ZMIZ1: variants seen among roughly 807,000 people sequenced by gnomAD.
ZMIZ1 encodes zinc finger MIZ-type containing 1.
Under a neutral mutation model 113.9 loss-of-function variants are expected in ZMIZ1, and 17 were observed. The observed-to-expected ratio is 0.15, with a 90% CI of 0.10 to 0.22. The LOEUF is 0.22. Ranked by LOEUF, ZMIZ1 falls within the 10% of genes least tolerant of loss-of-function variation. The probability of loss-of-function intolerance (pLI) is 1.00; values close to 1 mark genes in which losing one functional copy is unlikely to be tolerated. For synonymous variants in ZMIZ1, 607 were observed against 603.1 expected (o/e 1.01, Z -0.09); for missense variants, 1,059 against 1,477.8 (o/e 0.72, Z 4.65).
chr10:79,137,983 C>G (rs976650474), intron 2 of ZMIZ1, among the ~76,000 whole-genome samples: 1 of 152,192 alleles, frequency 6.6e-6, no homozygotes, highest in Admixed American at 6.5e-5. Flanking sequence ...TTCAGGAAGT[C>G]CCGTCCCGAG....
At chr10:79,243,121 C>T (rs1480805209) in intron 7 of ZMIZ1, among the ~76,000 whole-genome samples, 3 of 151,524 alleles carry the variant, frequency 2.0e-5, no homozygotes, top group African/African-American at 4.8e-5. Context: ...CCTCCCTCCC[C>T]TCCCCCCGCC....
chr10:79,215,989 G>A (rs375666382), intron 6 of ZMIZ1, among the ~76,000 whole-genome samples, 180 bp from the exon 7 acceptor site: 49 of 152,304 alleles, frequency 3.2e-4, no homozygotes, highest in African/African-American at 1.1e-3. Context: ...GGCCTGGCAC[G>A]GAAGAGGTGT....
At chr10:79,076,506 G>A (rs917604663) in intron 1 of ZMIZ1, among the ~76,000 whole-genome samples, 5 of 152,218 alleles carry the variant, frequency 3.3e-5, no homozygotes, top group African/African-American at 1.2e-4. Flanking sequence ...CCAGCAGCAT[G>A]TGTCTTTACA....
rs368378229 is a variant in ZMIZ1, at chr10:79,128,944, C to T, written c.-227+9920C>T. 3.9e-4 allele frequency among the ~76,000 whole-genome samples: 60 copies of T among 152,230 alleles called. No homozygotes were observed. The East Asian group carries it at 9.6e-3, about 24-fold the overall frequency. ...ATGGGGATGATAATACTTCCTTCCC[C>T]GTTAAGTATTGTAAGGATTAGATTA... On this transcript the variant is annotated intron_variant, in intron 2 of 24. Coordinates refer to ENST00000334512, the MANE Select transcript of ZMIZ1 (RefSeq NM_020338.4).
chr10:79,281,474 T>C (rs1852736541), intron 8 of ZMIZ1, among the ~76,000 whole-genome samples: 1 of 152,088 alleles, frequency 6.6e-6, no homozygotes, highest in African/African-American at 2.4e-5. Flanking sequence ...TCCCAAGAAA[T>C]GTTATGGGCC....
At chr10:79,123,077 A>T (rs1844367809) in intron 2 of ZMIZ1, among the ~76,000 whole-genome samples, 1 of 152,192 alleles carries the variant, frequency 6.6e-6, no homozygotes. Context: ...CATGGCTCTG[A>T]AGTCTGGGGC....
intron 7 of ZMIZ1, among the ~76,000 whole-genome samples, chr10:79,259,164 C>T (rs1439858779): frequency 1.3e-5 from 2 of 152,286 alleles, no homozygotes; most frequent in African/African-American, 4.8e-5. Flanking sequence ...AGCCAAACTT[C>T]CCAAGGCCCT....
At chr10:79,147,569 AC>A (rs1247882225) in intron 3 of ZMIZ1, among the ~76,000 whole-genome samples, 2 of 152,122 alleles carry the variant, frequency 1.3e-5, no homozygotes, top group Non-Finnish European at 2.9e-5. Flanking sequence ...CAGAACACAG[AC>A]CTTCTGGAAA....
intron 7 of ZMIZ1, among the ~76,000 whole-genome samples, chr10:79,275,336 A>G (rs1287796483): frequency 6.6e-6 from 1 of 152,220 alleles, no homozygotes; most frequent in Non-Finnish European, 1.5e-5. Flanking sequence ...GGGGCAGGAC[A>G]CATCTTTTAA....
chr10:79,072,045 G>A (rs1027881318), intron 1 of ZMIZ1, among the ~76,000 whole-genome samples: 4 of 152,160 alleles, frequency 2.6e-5, no homozygotes, highest in South Asian at 2.1e-4. Context: ...TTTGGGTAGG[G>A]CTTACTGAGA....
At chr10:79,202,453 GAAA>G (rs200110099) in intron 5 of ZMIZ1, among the ~76,000 whole-genome samples, 3 of 148,926 alleles carry the variant, frequency 2.0e-5, no homozygotes, top group Admixed American at 1.3e-4. Flanking sequence ...TTTAAAAAAA[GAAA>G]AAAAAAGCCA....
chr10:79,072,827 G>A (rs1226540802), intron 1 of ZMIZ1, among the ~76,000 whole-genome samples: 1 of 152,240 alleles, frequency 6.6e-6, no homozygotes, highest in Non-Finnish European at 1.5e-5. Context: ...GATTACCCAG[G>A]ACACTGCTGC....
Position 79,310,996 on chromosome 10 carries a change from A to G in ZMIZ1, c.2908A>G (p.Ser970Gly). ...QQGLHVPHPSSQSGPPLHHSG... is the reference protein window; with the variant it reads ...QQGLHVPHPSGQSGPPLHHSG... ...AGGTTTGCACGTACCACACCCCAGC[A>G]GCCAGTCAGGGCCTCCATTACATCA... Residue 970 changes from serine to glycine, a missense_variant, in exon 24 of 25, where the codon AGC (serine) becomes GGC (glycine). This residue lies in a region of ZMIZ1 where 225 missense variants were observed against 276.0 expected (regional missense o/e 0.82). Coordinates refer to ENST00000334512, the MANE Select transcript of ZMIZ1 (RefSeq NM_020338.4). 6.2e-7 allele frequency: 1 copy of G among 1,613,868 alleles called. No homozygotes were observed. Among genetic ancestry groups the G allele is most frequent in the Non-Finnish European group, 8.5e-7 (1 of 1,179,970 alleles).
intron 2 of ZMIZ1, among the ~76,000 whole-genome samples, chr10:79,130,626 C>T (rs190793238): frequency 6.6e-6 from 1 of 152,276 alleles, no homozygotes; most frequent in Admixed American, 6.5e-5. Context: ...ATGGTTGGTG[C>T]ATAGGCGCTG....
chr10:79,261,517 G>C (rs116914267), intron 7 of ZMIZ1, among the ~76,000 whole-genome samples: 2,730 of 152,308 alleles, frequency 0.018, 35 homozygotes, highest in Non-Finnish European at 0.024. Context: ...CTGAACTGCA[G>C]ATGGCCCAGG....
intron 24 of ZMIZ1, among the ~76,000 whole-genome samples, chr10:79,311,760 C>T (rs938272280): frequency 6.6e-5 from 10 of 152,102 alleles, no homozygotes; most frequent in East Asian, 1.9e-4. Flanking sequence ...TGCCAGGGCT[C>T]CTACCCTGAG....
In ZMIZ1 at chr10:79,296,329, CA is replaced by C; in HGVS notation, c.1231-139del. On this transcript the variant is annotated intron_variant, in intron 12 of 24. Transcript: ENST00000334512. This position sits in a 1 kb window ranked among gnomAD's most constrained non-coding sequence, Gnocchi z 4.1. Reference sequence around the variant, plus strand: ...CTGGATGTCAGGACGAGAAGGGGCCCAAAGCATTATCTGGTTTTGTGGGTGG... The same window carrying C: ...CTGGATGTCAGGACGAGAAGGGGCCCAAGCATTATCTGGTTTTGTGGGTGG... 2 of 961,952 alleles carry C rather than the reference CA, an allele frequency of 2.1e-6. No homozygotes were observed. The highest frequency in any genetic ancestry group is 3.2e-6 in the Non-Finnish European group (2 of 615,826). 59.6% of individuals were successfully genotyped at this position (961,952 alleles called of 1,614,324 possible).
chr10:79,265,468 CTTTTTTT>C (rs35682814), intron 7 of ZMIZ1, among the ~76,000 whole-genome samples: 15 of 91,660 alleles, frequency 1.6e-4, no homozygotes, highest in Non-Finnish European at 3.1e-4. Context: ...TTTTTCTTTT[CTTTTTTT>C]TTTTTTTTTT....
chr10:79,116,066 C>T (rs1217783563), intron 1 of ZMIZ1, among the ~76,000 whole-genome samples: 1 of 152,126 alleles, frequency 6.6e-6, no homozygotes, highest in Non-Finnish European at 1.5e-5. Context: ...TCATGGCTTA[C>T]TGTGAAATGG....
Sources: allele counts gnomAD v4.1 joint callset (sites outside exome capture counted in the v4.1 genomes callset), GRCh38; gene constraint gnomAD v4.1.1; regional missense constraint gnomAD v4.1.1; non-coding constraint Gnocchi (gnomAD v3.1); transcripts MANE v1.5; gene names NCBI Gene and HGNC (gene_info 2026-07-23, HGNC 2026-07-21).